Variants in AK5 observed in about 807,000 individuals in gnomAD.
AK5 encodes adenylate kinase 5.
In AK5, 27 loss-of-function variants were observed where a neutral mutation model predicts 69.5. That is an observed-to-expected ratio of 0.39 (90% CI 0.29 to 0.54). The LOEUF (loss-of-function observed/expected upper bound fraction) is 0.54, where lower values mean the gene tolerates loss of function less well. Among genes scored for constraint, AK5 ranks in the 20% least tolerant of loss-of-function variants. The probability of loss-of-function intolerance (pLI) is 0.71; values close to 1 mark genes in which losing one functional copy is unlikely to be tolerated. For synonymous variants in AK5, 260 were observed against 244.4 expected (o/e 1.06, Z -0.60); for missense variants, 531 against 700.4 (o/e 0.76, Z 2.73).
At chr1:77,534,749 G>A (rs115050899) in intron 12 of AK5, among the ~76,000 whole-genome samples, 2,493 of 152,282 alleles carry the variant, frequency 0.016, 29 homozygotes, top group Middle Eastern at 0.044. Context: ...CTTGAGTTCA[G>A]GAGTTCAAGA....
intron 12 of AK5, among the ~76,000 whole-genome samples, chr1:77,522,733 T>TA (rs1478955815): frequency 5.9e-5 from 9 of 152,110 alleles, no homozygotes; most frequent in African/African-American, 1.9e-4. Context: ...CCACACTTTA[T>TA]AGAGAGTACC....
chr1:77,538,331 T>C (rs1206966280), intron 13 of AK5, among the ~76,000 whole-genome samples: 1 of 149,686 alleles, frequency 6.7e-6, no homozygotes, highest in Non-Finnish European at 1.5e-5. Context: ...AGAGCAAGAC[T>C]GTCTCTCAAA....
chr1:77,302,694 G>T (rs1408715678), intron 5 of AK5, among the ~76,000 whole-genome samples: 3 of 152,106 alleles, frequency 2.0e-5, no homozygotes, highest in Non-Finnish European at 4.4e-5. Context: ...AACCTTGTGC[G>T]GTCTTAAATT....
intron 8 of AK5, among the ~76,000 whole-genome samples, chr1:77,449,452 C>T (rs777006923): frequency 6.6e-6 from 1 of 152,204 alleles, no homozygotes; most frequent in Admixed American, 6.5e-5. Flanking sequence ...AGTGCCTATA[C>T]CTCCATTGTG....
At chr1:77,485,329 T>C (rs914902324) in intron 9 of AK5, among the ~76,000 whole-genome samples, 1 of 152,218 alleles carries the variant, frequency 6.6e-6, no homozygotes, top group Non-Finnish European at 1.5e-5. Context: ...TCATGCCCCA[T>C]GCTCTCTCTT....
At chr1:77,456,680 A>C (rs74092650) in intron 8 of AK5, among the ~76,000 whole-genome samples, 6,926 of 152,202 alleles carry the variant, frequency 0.046, 402 homozygotes, top group East Asian at 0.19. Flanking sequence ...TCATCCTGAG[A>C]AAATGGGATG....
intron 13 of AK5, among the ~76,000 whole-genome samples, chr1:77,556,586 C>G (rs188584226): frequency 6.6e-6 from 1 of 152,222 alleles, no homozygotes; most frequent in South Asian, 2.1e-4. Flanking sequence ...ACAGTGCTTC[C>G]GTTAATATTG....
At chr1:77,490,351 C>A (rs1372412721) in intron 10 of AK5, among the ~76,000 whole-genome samples, 1 of 152,172 alleles carries the variant, frequency 6.6e-6, no homozygotes. Flanking sequence ...CAGGTGGGAG[C>A]AGGTGATAGC....
chr1:77,311,631 A>G (rs919075895), intron 5 of AK5, among the ~76,000 whole-genome samples: 2 of 152,056 alleles, frequency 1.3e-5, no homozygotes, highest in East Asian at 3.8e-4. Context: ...CCATAGATTT[A>G]TAAGGAGAAG....
rs1658127160 is a variant in AK5 at position 77,282,676 on chromosome 1, A to T, written c.60+303A>T. ...GATGTGGACACCCAGGGTGGGCTGC[A>T]GACCGCGGCCGGGCCGCACTCTCTG... On this transcript the variant is annotated intron_variant, in intron 1 of 13. Coordinates refer to ENST00000354567, the MANE Select transcript of AK5 (RefSeq NM_174858.3). The T allele has an allele frequency of 6.1e-6, 7 of 1,147,670 alleles. No homozygotes were observed. The South Asian group carries it at 9.0e-5, about 15-fold the overall frequency. 71.1% of individuals were successfully genotyped at this position (1,147,670 alleles called of 1,614,324 possible).
intron 5 of AK5, among the ~76,000 whole-genome samples, chr1:77,328,613 A>G (rs1349276903): frequency 6.6e-6 from 1 of 152,242 alleles, no homozygotes; most frequent in Non-Finnish European, 1.5e-5. Context: ...ATAAAAATGA[A>G]GCCACAGAAA....
intron 10 of AK5, among the ~76,000 whole-genome samples, chr1:77,509,936 A>G (rs1405125414): frequency 6.6e-6 from 1 of 152,234 alleles, no homozygotes; most frequent in Admixed American, 6.5e-5. Context: ...AGAGATTCAC[A>G]TGCATTATTT....
chr1:77,401,107 A>T (rs1461897003), intron 6 of AK5, among the ~76,000 whole-genome samples: 1 of 152,174 alleles, frequency 6.6e-6, no homozygotes, highest in East Asian at 1.9e-4. Context: ...GTAGTTAATT[A>T]TGAGGCTTTA....
At chr1:77,425,888 TAG>T (rs1369921875) in intron 8 of AK5, among the ~76,000 whole-genome samples, 2 of 152,190 alleles carry the variant, frequency 1.3e-5, no homozygotes, top group African/African-American at 2.4e-5. Flanking sequence ...CATGAAGCAG[TAG>T]AGTGTTATTT....
intron 10 of AK5, among the ~76,000 whole-genome samples, chr1:77,487,313 A>G (rs1426625158): frequency 6.6e-6 from 1 of 152,198 alleles, no homozygotes; most frequent in African/African-American, 2.4e-5. Flanking sequence ...TGAGTGTGTG[A>G]GGGCCAGATT....
chr1:77,379,502 C>T (rs183352609), intron 6 of AK5, among the ~76,000 whole-genome samples: 4 of 152,256 alleles, frequency 2.6e-5, no homozygotes, highest in Non-Finnish European at 4.4e-5. Context: ...TATTTAGTGT[C>T]CTTTGTTCCT....
intron 8 of AK5, among the ~76,000 whole-genome samples, chr1:77,439,448 A>G (rs1182408607): frequency 6.6e-6 from 1 of 152,146 alleles, no homozygotes; most frequent in Non-Finnish European, 1.5e-5. Context: ...TACACAATGA[A>G]TTATTAACTA....
intron 1 of AK5, chr1:77,283,707 G>A (rs995989701): frequency 1.4e-6 from 1 of 726,752 alleles, no homozygotes; most frequent in African/African-American, 1.9e-5. Flanking sequence ...GTTGCATAAG[G>A]ACAGGTCTTG....
intron 10 of AK5, among the ~76,000 whole-genome samples, chr1:77,503,622 C>T (rs947516029): frequency 7.2e-5 from 11 of 152,062 alleles, no homozygotes; most frequent in Admixed American, 2.0e-4. Flanking sequence ...GGGGTGGAGG[C>T]CGGGCACAGT....
Sources: gnomAD v4.1 joint callset for allele counts (sites outside exome capture counted in the v4.1 genomes callset) on GRCh38, gnomAD v4.1.1 for gene constraint, MANE v1.5 for transcripts, NCBI Gene and HGNC (gene_info 2026-07-23, HGNC 2026-07-21) for gene names.